The following PSMD11 variants were observed in gnomAD, a reference collection of about 807,000 sequenced individuals.
The protein encoded by PSMD11 is proteasome 26S subunit, non-ATPase 11.
A neutral mutation model predicts 62.3 loss-of-function variants in PSMD11; 5 were observed. The ratio of observed to expected loss-of-function variants is 0.08; its 90% CI spans 0.04 to 0.17. The LOEUF (loss-of-function observed/expected upper bound fraction) is 0.17. PSMD11 is among the 10% of genes least tolerant of loss of function. The pLI is 1.00. For missense variants in PSMD11, 310 were observed against 512.9 expected (o/e 0.60, Z 3.82); for synonymous variants, 191 against 191.8 (o/e 1.00, Z 0.03).
In PSMD11 at chr17:32,482,691, G is replaced by C. The variant is rs941911790; in HGVS notation, c.*1939G>C. On this transcript the variant is annotated 3_prime_UTR_variant, in exon 14 of 14. Transcript: ENST00000261712. ...ACTCAGTGAGGATGCTGCTTCCTTG[G>C]CAGGTGATTGTGATGTGAAGCTTAG... 6.6e-6 allele frequency: 1 copy of C among 152,282 alleles called. No individual in the cohort carries two copies. Among genetic ancestry groups the C allele is most frequent in the Non-Finnish European group, 1.5e-5 (1 of 68,098 alleles). The allele number at this position is 152,282 out of a possible 1,614,324, so 9.4% of individuals were successfully genotyped here.
intron 2 of PSMD11, among the ~76,000 whole-genome samples, chr17:32,451,119 T>G: frequency 8.2e-6 from 1 of 121,380 alleles, no homozygotes; most frequent in Non-Finnish European, 1.7e-5. Flanking sequence ...AGGCTCTTTC[T>G]CAAAAAAAAA....
chr17:32,473,899 A>G lies in PSMD11; in HGVS notation c.742A>G (p.Ile248Val). 2.5e-6 allele frequency: 4 copies of G among 1,614,240 alleles called. No homozygotes were observed. The highest frequency in any genetic ancestry group is 3.4e-6 in the Non-Finnish European group (4 of 1,180,034). ...TGACTCCATCGACAGCCCCAAGGCC[A>G]TCACATCTCTGAAGTACATGTTGCT... ...GYDSIDSPKA[I>V]TSLKYMLLCK... The change falls in exon 7 of 14, where the codon ATC (isoleucine) becomes GTC (valine). Residue 248 changes from isoleucine to valine, a missense_variant. This residue lies in a region of PSMD11 where 47 missense variants were observed against 117.7 expected (regional missense o/e 0.40). Coordinates refer to ENST00000261712, the MANE Select transcript of PSMD11 (RefSeq NM_002815.4).
intron 5 of PSMD11, among the ~76,000 whole-genome samples, chr17:32,466,420 C>T (rs932290992): frequency 1.3e-5 from 2 of 152,248 alleles, no homozygotes; most frequent in African/African-American, 2.4e-5. Context: ...TGAAATGATA[C>T]AATATTTGTT....
chr17:32,462,191 G>A (rs1235243666), intron 3 of PSMD11, among the ~76,000 whole-genome samples: 3 of 152,086 alleles, frequency 2.0e-5, no homozygotes, highest in Non-Finnish European at 2.9e-5. Flanking sequence ...AACTTACAGA[G>A]GAATATTTCT....
At chr17:32,450,348 G>A in intron 2 of PSMD11, among the ~76,000 whole-genome samples, 1 of 150,988 alleles carries the variant, frequency 6.6e-6, no homozygotes, top group African/African-American at 2.4e-5. Flanking sequence ...TCTGCCTCCT[G>A]GGTTCAAGCA....
chr17:32,480,696 C>A, intron 13 of PSMD11, 57 bp from the exon 14 acceptor site: 3 of 1,570,912 alleles, frequency 1.9e-6, no homozygotes, highest in Non-Finnish European at 2.6e-6. Context: ...AGACTGAAAA[C>A]CTCCTCCTGG....
chr17:32,466,838 T>C (rs952754722), intron 5 of PSMD11, among the ~76,000 whole-genome samples: 5 of 152,246 alleles, frequency 3.3e-5, no homozygotes, highest in Admixed American at 6.5e-5. Context: ...CCATCCTAAA[T>C]AGCATTTCAT....
chr17:32,449,130 C>T (rs954721041), intron 2 of PSMD11, among the ~76,000 whole-genome samples: 4 of 152,124 alleles, frequency 2.6e-5, no homozygotes, highest in Admixed American at 1.3e-4. Flanking sequence ...GTTAGCCAGG[C>T]GTGATGGCTC....
intron 3 of PSMD11, 146 bp downstream of exon 3, chr17:32,454,765 C>A: frequency 1.2e-6 from 1 of 861,166 alleles, no homozygotes; most frequent in Non-Finnish European, 1.7e-6. Flanking sequence ...CTCTTTGTTA[C>A]AGGGCATTTG....
At chr17:32,463,290 G>C (rs1276029700) in intron 3 of PSMD11, 1 of 152,172 alleles carries the variant, frequency 6.6e-6, no homozygotes, top group Non-Finnish European at 1.5e-5. Flanking sequence ...TAGGGGTTCA[G>C]AGTGCCTTTA....
At chr17:32,459,422 G>A (rs1483174017) in intron 3 of PSMD11, among the ~76,000 whole-genome samples, 4 of 151,930 alleles carry the variant, frequency 2.6e-5, no homozygotes, top group Non-Finnish European at 4.4e-5. Context: ...ATTTTTAGTA[G>A]AGATGGGATT....
chr17:32,446,302 TAGGAC>T (rs1907329984), intron 1 of PSMD11, among the ~76,000 whole-genome samples: 2 of 152,190 alleles, frequency 1.3e-5, no homozygotes, highest in African/African-American at 4.8e-5. Context: ...CTGTTGAAAA[TAGGAC>T]AGATAGCACA....
rs899334072 is a variant in PSMD11 at position 32,480,517 on chromosome 17, G to T, written c.1155G>T (p.Leu385=). 1 of 1,614,130 alleles carries T rather than the reference G, an allele frequency of 6.2e-7. No homozygotes were observed. ...HGILDQGEGV[L]IIFDEPPVDK... ...TTTTGGACCAGGGGGAGGGTGTCCT[G>T]ATTATTTTCGATGAACCCCCAGTAG... The change falls in exon 13 of 14, where the codon CTG becomes CTT. Residue 385 remains leucine (L), a synonymous_variant. Transcript: ENST00000261712.
chr17:32,475,404 A>G (rs1908288089), intron 8 of PSMD11, among the ~76,000 whole-genome samples: 1 of 151,796 alleles, frequency 6.6e-6, no homozygotes, highest in East Asian at 1.9e-4. Flanking sequence ...GTTAGGACCT[A>G]CGCAAAGATG....
At chr17:32,476,347 C>G (rs565823499) in intron 8 of PSMD11, among the ~76,000 whole-genome samples, 4 of 152,288 alleles carry the variant, frequency 2.6e-5, no homozygotes, top group South Asian at 2.1e-4. Flanking sequence ...TCCAAGTGTT[C>G]AGGGCAAGGT....
At chr17:32,480,034 G>T in intron 11 of PSMD11, 112 bp from the exon 12 acceptor site, 2 of 1,485,786 alleles carry the variant, frequency 1.3e-6, no homozygotes, top group Non-Finnish European at 1.9e-6. Context: ...TTGCATTGTT[G>T]CTATTTTGTT....
chr17:32,472,245 CAG>C (rs1908184735), intron 6 of PSMD11, among the ~76,000 whole-genome samples: 1 of 147,740 alleles, frequency 6.8e-6, no homozygotes, highest in African/African-American at 2.5e-5. Flanking sequence ...TTTTTTGAGA[CAG>C]TGTCTTGCTC....
chr17:32,480,967 AAAAAG>A lies in PSMD11; in HGVS notation c.*220_*224del. 1 of 194,500 alleles carries A rather than the reference AAAAAG, an allele frequency of 5.1e-6. No homozygotes were observed. The highest frequency in any genetic ancestry group is 1.0e-5 in the Non-Finnish European group (1 of 95,974). The allele number at this position is 194,500 out of a possible 1,614,324, so 12.0% of individuals were successfully genotyped here. ...TTGGGAGTGGGGAAATTGCTTAAAA[AAAAAG>A]AAAAAGAAAAAAAAAAAGATTATTC... On this transcript the variant is annotated 3_prime_UTR_variant, in exon 14 of 14. Coordinates refer to ENST00000261712, the MANE Select transcript of PSMD11 (RefSeq NM_002815.4).
intron 3 of PSMD11, among the ~76,000 whole-genome samples, chr17:32,457,132 A>G (rs1347448657): frequency 6.6e-6 from 1 of 152,194 alleles, no homozygotes; most frequent in Non-Finnish European, 1.5e-5. Flanking sequence ...TGCACATTAC[A>G]TTTATATAAA....
Sources: allele counts gnomAD v4.1 joint callset (sites outside exome capture counted in the v4.1 genomes callset), GRCh38; gene constraint gnomAD v4.1.1; regional missense constraint gnomAD v4.1.1; transcripts MANE v1.5; gene names NCBI Gene and HGNC (gene_info 2026-07-23, HGNC 2026-07-21).